RBFOX1: variants seen among roughly 807,000 people sequenced by gnomAD.
RBFOX1 encodes RNA binding protein fox-1 homolog 1.
In RBFOX1, 8 loss-of-function variants were observed where a neutral mutation model predicts 57.7. The observed-to-expected ratio is 0.14, with a 90% CI of 0.08 to 0.25. The LOEUF (loss-of-function observed/expected upper bound fraction) is 0.25. Among genes scored for constraint, RBFOX1 ranks in the 10% least tolerant of loss-of-function variants. RBFOX1 has a pLI of 1.00. For synonymous variants in RBFOX1, 326 were observed against 222.4 expected, an observed-to-expected ratio of 1.47 and a Z score of -4.15; for missense variants, 611 against 548.5, an observed-to-expected ratio of 1.11 and a Z score of -1.14.
intron 2 of RBFOX1, among the ~76,000 whole-genome samples, chr16:6,602,953 G>C (rs2154010433): frequency 6.6e-6 from 1 of 152,214 alleles, no homozygotes; most frequent in East Asian, 1.9e-4. Context: ...ATCCTGACTT[G>C]AGCCGGTGCT....
At chr16:6,039,518 AT>A (rs1176959231) in intron 1 of RBFOX1, among the ~76,000 whole-genome samples, 4 of 152,142 alleles carry the variant, frequency 2.6e-5, no homozygotes, top group Non-Finnish European at 4.4e-5. Context: ...TAAAGGCAGG[AT>A]TTTTTTCCCC....
At position 6,972,395 on chromosome 16, in the gene RBFOX1, G is replaced by T. The variant is rs550052263; in HGVS notation, c.-15-79662G>T. On this transcript the variant is annotated intron_variant, in intron 3 of 15. Transcript: ENST00000550418. ...TATCACTTAGCATAATGTCCTCAGG[G>T]TTCATCCATGGTGTAGGATGTTTCT... Among the ~76,000 whole-genome samples the T allele has an allele frequency of 1.8e-4, 27 of 152,102 alleles. No homozygotes were observed. In the South Asian group the frequency reaches 3.1e-3, roughly 18 times the overall value.
chr16:6,709,263 A>G (rs1308194017), intron 3 of RBFOX1, among the ~76,000 whole-genome samples: 2 of 152,206 alleles, frequency 1.3e-5, no homozygotes, highest in African/African-American at 4.8e-5. Flanking sequence ...GGATGCAATT[A>G]TTTTAAGCAT....
At chr16:5,719,113 A>T (rs1437503571) in intron 3 of RBFOX1, among the ~76,000 whole-genome samples, 1 of 152,200 alleles carries the variant, frequency 6.6e-6, no homozygotes, top group Non-Finnish European at 1.5e-5. Context: ...TATTTGTTGA[A>T]TACATTTTAT....
rs2096928629 is a variant in RBFOX1 at position 6,167,785 on chromosome 16, A to C, written c.-127+147793A>C. On this transcript the variant is annotated intron_variant, in intron 1 of 15. Transcript: ENST00000550418. ...GCCTCAGAGTGGGCATTGTTCCCTT[A>C]GGGAGTGGAGGCCAGAAGATGTAGG... 2.0e-5 allele frequency among the ~76,000 whole-genome samples: 3 copies of C among 152,216 alleles called. No individual in the cohort carries two copies. The South Asian group carries it at 6.2e-4, about 32-fold the overall frequency.
chr16:5,736,341 G>A (rs998970307), intron 3 of RBFOX1, among the ~76,000 whole-genome samples: 19 of 152,092 alleles, frequency 1.2e-4, no homozygotes, highest in Admixed American at 3.9e-4. Flanking sequence ...TATCTATAGC[G>A]ACCCCTCCTC....
chr16:5,800,950 A>G (rs2151752779), intron 3 of RBFOX1, among the ~76,000 whole-genome samples: 1 of 152,252 alleles, frequency 6.6e-6, no homozygotes. Context: ...TGTCCCTGAT[A>G]CAGACCCATG....
chr16:6,595,077 G>A lies in RBFOX1; in HGVS notation c.-63-59526G>A, dbSNP rs113678176. 3.3e-5 allele frequency among the ~76,000 whole-genome samples: 5 copies of A among 152,198 alleles called. No individual in the cohort carries two copies. In the South Asian group the frequency reaches 8.3e-4, roughly 25 times the overall value. ...GCTGGGATTACAGGCATGAGCCACCGCACCTGGCCTTCCGTGGTTTTTAAT... is the reference window on the plus strand; with the variant it reads ...GCTGGGATTACAGGCATGAGCCACCACACCTGGCCTTCCGTGGTTTTTAAT... On this transcript the variant is annotated intron_variant, in intron 2 of 15. Coordinates refer to ENST00000550418, the MANE Select transcript of RBFOX1 (RefSeq NM_018723.4).
chr16:7,058,160 G>A (rs1339047310), intron 4 of RBFOX1, among the ~76,000 whole-genome samples: 4 of 152,028 alleles, frequency 2.6e-5, no homozygotes, highest in Admixed American at 2.6e-4. Flanking sequence ...CCTACCGCAC[G>A]TCTTACTCAC....
intron 3 of RBFOX1, among the ~76,000 whole-genome samples, chr16:5,615,935 G>A (rs1288873649): frequency 6.6e-6 from 1 of 152,198 alleles, no homozygotes; most frequent in South Asian, 2.1e-4. Context: ...CTGTTAATGG[G>A]AACGCTTCTT....
chr16:6,812,227 C>G (rs2088844097), intron 3 of RBFOX1, among the ~76,000 whole-genome samples: 2 of 152,158 alleles, frequency 1.3e-5, no homozygotes, highest in Admixed American at 6.5e-5. Flanking sequence ...ATATTAAGCT[C>G]CTCACATTTC....
At chr16:7,144,127 A>G (rs768172676) in intron 4 of RBFOX1, among the ~76,000 whole-genome samples, 2 of 152,154 alleles carry the variant, frequency 1.3e-5, no homozygotes, top group Admixed American at 6.5e-5. Context: ...TAGGTAATAG[A>G]TCATGAATAT....
intron 3 of RBFOX1, among the ~76,000 whole-genome samples, chr16:6,950,093 T>C (rs2080392604): frequency 1.3e-5 from 2 of 150,658 alleles, no homozygotes; most frequent in South Asian, 4.2e-4. Context: ...ATTATAGGCA[T>C]GCGCCACTAC....
At chr16:5,346,112 A>C (rs1227600532) in intron 1 of RBFOX1, among the ~76,000 whole-genome samples, 1 of 152,208 alleles carries the variant, frequency 6.6e-6, no homozygotes, top group African/African-American at 2.4e-5. Context: ...AAGCGCACAG[A>C]GAAGTATGGC....
chr16:7,089,923 A>AG lies in RBFOX1; in HGVS notation c.27+37825_27+37826insG, dbSNP rs34592951. 2.7e-3 allele frequency among the ~76,000 whole-genome samples: 405 copies of AG among 151,814 alleles called. 1 individual carries two copies. The highest frequency in any genetic ancestry group is 9.2e-3 in the African/African-American group (382 of 41,374). On this transcript the variant is annotated intron_variant, in intron 4 of 15. Transcript: ENST00000550418. ...TTTTTTTTCTGCATTCAAAAAAAAA[A>AG]TGGCAGAGACTTTAAATTGGAACAG...
chr16:5,847,785 G>A (rs1249300666), intron 3 of RBFOX1, among the ~76,000 whole-genome samples: 1 of 152,016 alleles, frequency 6.6e-6, no homozygotes, highest in African/African-American at 2.4e-5. Flanking sequence ...CCACCTCTTA[G>A]GGTCGTCATG....
At chr16:6,463,709 T>C (rs2094973056) in intron 2 of RBFOX1, among the ~76,000 whole-genome samples, 1 of 152,216 alleles carries the variant, frequency 6.6e-6, no homozygotes, top group African/African-American at 2.4e-5. Context: ...ATGTTTAGCT[T>C]GGCTCCGCCA....
Position 6,881,659 on chromosome 16 carries a change from C to G in RBFOX1, c.-15-170398C>G, listed in dbSNP as rs75877335. Among the ~76,000 whole-genome samples, 873 of 152,270 alleles carry G rather than the reference C, an allele frequency of 5.7e-3. 13 individuals carry two copies. Among genetic ancestry groups the G allele is most frequent in the African/African-American group, 0.02 (825 of 41,568 alleles). On this transcript the variant is annotated intron_variant, in intron 3 of 15. Coordinates refer to ENST00000550418, the MANE Select transcript of RBFOX1 (RefSeq NM_018723.4). ...CAAATATTCCATCTTCAAATAAAGT[C>G]ACATTCTTAGATGTTGGCAGTTAAG...
At chr16:6,367,153 G>A (rs1360278103) in intron 2 of RBFOX1, among the ~76,000 whole-genome samples, 1 of 152,236 alleles carries the variant, frequency 6.6e-6, no homozygotes, top group Non-Finnish European at 1.5e-5. Flanking sequence ...TAAAGTGAGA[G>A]CTTTGACGTC....
Sources: allele counts gnomAD v4.1 joint callset (sites outside exome capture counted in the v4.1 genomes callset), GRCh38; gene constraint gnomAD v4.1.1; transcripts MANE v1.5; gene names NCBI Gene and HGNC (gene_info 2026-07-23, HGNC 2026-07-21).